The following MACROD1 variants were observed in gnomAD, a reference collection of about 807,000 sequenced individuals.
The protein encoded by MACROD1 is mono-ADP ribosylhydrolase 1.
Under a neutral mutation model 41.4 loss-of-function variants are expected in MACROD1, and 31 were observed. The ratio of observed to expected loss-of-function variants is 0.75; its 90% confidence interval spans 0.56 to 1.01. The LOEUF (loss-of-function observed/expected upper bound fraction) is 1.01, where lower values mean the gene tolerates loss of function less well. Ranked by LOEUF, MACROD1 falls within the 50% of genes least tolerant of loss-of-function variation. The probability of loss-of-function intolerance (pLI) is 0.00; values close to 1 mark genes in which losing one functional copy is unlikely to be tolerated. For missense variants in MACROD1, 473 were observed against 460.0 expected (o/e 1.03, Z -0.26); for synonymous variants, 252 against 203.4 (o/e 1.24, Z -2.03).
chr11:64,060,273 A>G (rs951266529), intron 3 of MACROD1, among the ~76,000 whole-genome samples: 12 of 152,210 alleles, frequency 7.9e-5, no homozygotes, highest in African/African-American at 2.9e-4. Flanking sequence ...GAGCTCCGGG[A>G]GCGGCGGGAG....
At chr11:64,097,311 C>G (rs1028911416) in intron 3 of MACROD1, among the ~76,000 whole-genome samples, 3 of 152,250 alleles carry the variant, frequency 2.0e-5, no homozygotes, top group Admixed American at 6.5e-5. Context: ...AACTCAGCAC[C>G]AAGGGATGGG....
At position 64,152,298 on chromosome 11, in the gene MACROD1, C is replaced by T; in HGVS notation, c.394G>A (p.Ala132Thr). ...LKKIPTWKEM[A>T]KGVAVKVEEP... ...TCCCCCGAGCAGGGCCTACCTTTCG[C>T]CATCTCCTTCCATGTCGGGATCTTC... is the stretch of plus-strand genomic sequence containing the variant. Residue 132 changes from alanine to threonine, a missense_variant, in exon 2 of 11, where the codon GCG becomes ACG. By Grantham distance (58) the Ala-to-Thr change is moderately conservative. Coordinates refer to ENST00000255681, the MANE Select transcript of MACROD1 (RefSeq NM_014067.4). The T allele has an allele frequency of 2.5e-6, 4 of 1,614,226 alleles. No homozygotes were observed. The highest frequency in any genetic ancestry group is 3.4e-6 in the Non-Finnish European group (4 of 1,180,014).
At chr11:64,065,714 C>T (rs778964583) in intron 3 of MACROD1, among the ~76,000 whole-genome samples, 15 of 148,374 alleles carry the variant, frequency 1.0e-4, no homozygotes, top group African/African-American at 2.5e-4. Context: ...GGTGTGAACC[C>T]GGGAGGCGGA....
chr11:64,152,415 T>A, intron 1 of MACROD1, 22 bp from the exon 2 acceptor site: 6 of 1,595,658 alleles, frequency 3.8e-6, no homozygotes, highest in Non-Finnish European at 4.3e-6. Flanking sequence ...GGAAGGAGGA[T>A]CAGGGTGGGG....
intron 3 of MACROD1, among the ~76,000 whole-genome samples, chr11:64,132,232 C>T (rs933939969): frequency 9.9e-5 from 15 of 152,048 alleles, no homozygotes; most frequent in African/African-American, 2.2e-4. Flanking sequence ...GGGAGGAGAG[C>T]TGTTTGATGC....
chr11:64,158,031 C>T (rs1945696043), intron 1 of MACROD1, among the ~76,000 whole-genome samples: 2 of 152,166 alleles, frequency 1.3e-5, no homozygotes, highest in Admixed American at 1.3e-4. Flanking sequence ...GGCTGCGTCC[C>T]CAAAAGACAG....
chr11:64,140,486 G>A (rs1945396944), intron 3 of MACROD1, among the ~76,000 whole-genome samples: 1 of 152,198 alleles, frequency 6.6e-6, no homozygotes, highest in Non-Finnish European at 1.5e-5. Flanking sequence ...CAGGATAGAG[G>A]GACCATTCCC....
At chr11:64,118,506 C>T (rs969055393) in intron 3 of MACROD1, 8 of 484,106 alleles carry the variant, frequency 1.7e-5, no homozygotes, top group African/African-American at 1.4e-4. Flanking sequence ...AGGGGGAATT[C>T]GACATTGTTG....
At chr11:64,134,192 G>A (rs888242096) in intron 3 of MACROD1, among the ~76,000 whole-genome samples, 4 of 152,204 alleles carry the variant, frequency 2.6e-5, no homozygotes, top group Non-Finnish European at 4.4e-5. Flanking sequence ...GGATTCCAGG[G>A]GATTCCAAAG....
At chr11:64,003,202 C>T (rs536696149) in intron 4 of MACROD1, among the ~76,000 whole-genome samples, 49 of 152,316 alleles carry the variant, frequency 3.2e-4, no homozygotes, top group African/African-American at 1.2e-3. Context: ...CCTCCTCTAC[C>T]GTTAAACTCC....
intron 3 of MACROD1, among the ~76,000 whole-genome samples, chr11:64,071,616 TG>T (rs904456228): frequency 9.9e-5 from 15 of 152,178 alleles, no homozygotes; most frequent in African/African-American, 3.1e-4. Flanking sequence ...CTACAGGTTC[TG>T]TCGTATCACC....
intron 3 of MACROD1, among the ~76,000 whole-genome samples, chr11:64,048,550 G>A (rs549192037): frequency 2.0e-5 from 3 of 152,198 alleles, no homozygotes; most frequent in Non-Finnish European, 4.4e-5. Flanking sequence ...TTGGAGAGGT[G>A]CAGAAGTCAA....
intron 3 of MACROD1, among the ~76,000 whole-genome samples, chr11:64,134,191 G>A (rs1945302370): frequency 6.6e-6 from 1 of 152,310 alleles, no homozygotes; most frequent in South Asian, 2.1e-4. Context: ...AGGATTCCAG[G>A]GGATTCCAAA....
chr11:64,105,516 C>G (rs552152037), intron 3 of MACROD1, among the ~76,000 whole-genome samples: 3 of 152,218 alleles, frequency 2.0e-5, no homozygotes, highest in Non-Finnish European at 4.4e-5. Flanking sequence ...AGCCTGTCCC[C>G]TCCACACAGG....
intron 4 of MACROD1, among the ~76,000 whole-genome samples, chr11:64,006,868 G>A (rs925599060): frequency 7.2e-5 from 11 of 152,222 alleles, no homozygotes; most frequent in African/African-American, 2.7e-4. Flanking sequence ...GAGGGTGTAT[G>A]AGATTCTTCA....
chr11:64,039,930 G>C (rs1460172163), intron 3 of MACROD1, among the ~76,000 whole-genome samples: 1 of 152,210 alleles, frequency 6.6e-6, no homozygotes, highest in East Asian at 1.9e-4. Context: ...TGAAGCCATG[G>C]AGGATAAATG....
chr11:64,129,313 C>T (rs1945231654), intron 3 of MACROD1, among the ~76,000 whole-genome samples: 1 of 152,256 alleles, frequency 6.6e-6, no homozygotes, highest in Non-Finnish European at 1.5e-5. Context: ...CAGTTTCCAC[C>T]TCCATGCGTA....
intron 4 of MACROD1, chr11:64,001,276 C>T (rs980137639): frequency 1.6e-6 from 1 of 615,664 alleles, no homozygotes; most frequent in Non-Finnish European, 2.9e-6. Flanking sequence ...TGGCGTCCAC[C>T]CTCTTATCTG....
intron 3 of MACROD1, among the ~76,000 whole-genome samples, chr11:64,101,974 C>A (rs1275111243): frequency 6.6e-6 from 1 of 152,210 alleles, no homozygotes; most frequent in African/African-American, 2.4e-5. Context: ...AGGCTGTGAG[C>A]CCCGTGGGCA....
Sources: gnomAD v4.1 joint callset for allele counts (sites outside exome capture counted in the v4.1 genomes callset) on GRCh38, gnomAD v4.1.1 for gene constraint, MANE v1.5 for transcripts, NCBI Gene and HGNC (gene_info 2026-07-23, HGNC 2026-07-21) for gene names.